Variants in SYT1 observed in about 807,000 individuals in gnomAD.
The protein encoded by SYT1 is synaptotagmin-1.
Under a neutral mutation model 44.8 loss-of-function variants are expected in SYT1, and 8 were observed. That is an observed-to-expected ratio of 0.18 (90% confidence interval 0.10 to 0.32). SYT1 has a LOEUF of 0.32. Among genes scored for constraint, SYT1 ranks in the 10% least tolerant of loss-of-function variants. SYT1 has a pLI of 1.00. For missense variants in SYT1, 286 were observed against 509.3 expected, an observed-to-expected ratio of 0.56 and a Z score of 4.22; for synonymous variants, 154 against 188.8, an observed-to-expected ratio of 0.82 and a Z score of 1.51.
At chr12:79,301,185 G>C (rs925164899) in intron 8 of SYT1, among the ~76,000 whole-genome samples, 1 of 152,028 alleles carries the variant, frequency 6.6e-6, no homozygotes. Context: ...TGGTTGGCTT[G>C]TTGGTTGAAT....
chr12:79,168,732 T>A (rs1159920293), intron 3 of SYT1, among the ~76,000 whole-genome samples: 1 of 151,946 alleles, frequency 6.6e-6, no homozygotes, highest in Non-Finnish European at 1.5e-5. Flanking sequence ...GATTTTGAGG[T>A]CACAACCAGA....
rs544500438 is a variant in SYT1, at chr12:79,013,138, T to C, written c.-83-34159T>C. 3.3e-5 allele frequency among the ~76,000 whole-genome samples: 5 copies of C among 152,242 alleles called. No homozygotes were observed. In the East Asian group the frequency reaches 9.7e-4, roughly 29 times the overall value. ...CAGTTATTAAACACTATTTCTATCT[T>C]GTAGAGTGCACTTCTCTGTTTGTTT... On this transcript the variant is annotated intron_variant, in intron 2 of 10. Coordinates refer to ENST00000261205, the MANE Select transcript of SYT1 (RefSeq NM_005639.3).
At chr12:79,277,652 G>C (rs1435753842) in intron 4 of SYT1, among the ~76,000 whole-genome samples, 1 of 152,102 alleles carries the variant, frequency 6.6e-6, no homozygotes, top group African/African-American at 2.4e-5. Flanking sequence ...GAATGGAACA[G>C]TTACCCACAT....
chr12:79,003,985 G>A (rs901396240), intron 2 of SYT1, among the ~76,000 whole-genome samples: 9 of 151,824 alleles, frequency 5.9e-5, no homozygotes, highest in African/African-American at 7.2e-5. Context: ...GTTAACCTTC[G>A]TCTTTAGAGT....
intron 3 of SYT1, among the ~76,000 whole-genome samples, chr12:79,190,163 A>G (rs1365140497): frequency 1.3e-5 from 2 of 152,150 alleles, no homozygotes; most frequent in Admixed American, 6.6e-5. Flanking sequence ...TATCTGATTT[A>G]TATTTCTTCT....
At chr12:79,293,944 T>C (rs1298281732) in intron 6 of SYT1, among the ~76,000 whole-genome samples, 1 of 152,152 alleles carries the variant, frequency 6.6e-6, no homozygotes, top group Admixed American at 6.5e-5. Context: ...CATCAGGATT[T>C]GGTTAGGAGC....
chr12:79,127,471 G>A (rs1170963709), intron 3 of SYT1, among the ~76,000 whole-genome samples: 1 of 152,202 alleles, frequency 6.6e-6, no homozygotes, highest in Non-Finnish European at 1.5e-5. Context: ...GGTGGTAACA[G>A]CCATCTGAAT....
At chr12:78,955,843 TAG>T (rs144591118) in intron 1 of SYT1, among the ~76,000 whole-genome samples, 500 of 143,220 alleles carry the variant, frequency 3.5e-3, no homozygotes, top group Middle Eastern at 3.7e-3. Flanking sequence ...TGTGTGCATG[TAG>T]AGAGAGAGAG....
chr12:79,291,045 C>T (rs916511337), intron 5 of SYT1, among the ~76,000 whole-genome samples: 3 of 151,988 alleles, frequency 2.0e-5, no homozygotes, highest in African/African-American at 7.2e-5. Flanking sequence ...TACTTATAAC[C>T]TTTGATATTT....
intron 1 of SYT1, among the ~76,000 whole-genome samples, chr12:78,907,023 A>G (rs541898816): frequency 6.6e-6 from 1 of 152,208 alleles, no homozygotes; most frequent in South Asian, 2.1e-4. Flanking sequence ...TATTTATTAA[A>G]GTGTACATTT....
chr12:79,286,357 G>A (rs1227570586), intron 5 of SYT1, among the ~76,000 whole-genome samples: 1 of 152,138 alleles, frequency 6.6e-6, no homozygotes, highest in African/African-American at 2.4e-5. Context: ...AATTTCTACT[G>A]TTCATAGTCA....
At chr12:79,310,822 T>C (rs1880743978) in intron 8 of SYT1, among the ~76,000 whole-genome samples, 1 of 152,206 alleles carries the variant, frequency 6.6e-6, no homozygotes, top group Admixed American at 6.5e-5. Context: ...TGTTTGTCTG[T>C]TATTGGTGTA....
chr12:79,194,885 G>A (rs1014483302), intron 3 of SYT1, among the ~76,000 whole-genome samples: 5 of 152,092 alleles, frequency 3.3e-5, no homozygotes, highest in African/African-American at 9.7e-5. Flanking sequence ...TGCCTTAAAC[G>A]CTAAGGTCAA....
intron 3 of SYT1, among the ~76,000 whole-genome samples, chr12:79,137,358 A>T (rs1869265725): frequency 6.6e-6 from 1 of 152,062 alleles, no homozygotes; most frequent in Non-Finnish European, 1.5e-5. Flanking sequence ...AACCTCCCAA[A>T]GTGCTGGGAT....
At chr12:78,889,658 A>G (rs745817028) in intron 1 of SYT1, among the ~76,000 whole-genome samples, 3 of 140,660 alleles carry the variant, frequency 2.1e-5, no homozygotes, top group Non-Finnish European at 4.6e-5. Context: ...CTTGAATAAT[A>G]TTGATTTATA....
chr12:79,216,434 A>G (rs1378657325), intron 3 of SYT1, among the ~76,000 whole-genome samples: 1 of 152,190 alleles, frequency 6.6e-6, no homozygotes, highest in Non-Finnish European at 1.5e-5. Context: ...GGAAAATTAC[A>G]AAGTCTGGAA....
At chr12:79,258,487 A>G (rs1877654219) in intron 4 of SYT1, among the ~76,000 whole-genome samples, 1 of 152,188 alleles carries the variant, frequency 6.6e-6, no homozygotes, top group Non-Finnish European at 1.5e-5. Flanking sequence ...TGGTAATTTG[A>G]GTGACAAATC....
chr12:79,155,416 C>T (rs942141445), intron 3 of SYT1, among the ~76,000 whole-genome samples: 1 of 152,130 alleles, frequency 6.6e-6, no homozygotes, highest in South Asian at 2.1e-4. Flanking sequence ...TATAGAAATC[C>T]ATACTCAGCT....
chr12:79,337,186 C>G (rs553357215), intron 8 of SYT1, among the ~76,000 whole-genome samples: 22 of 152,226 alleles, frequency 1.4e-4, no homozygotes, highest in Admixed American at 9.2e-4. Context: ...TATTATTTAT[C>G]CATTTTAATG....
Sources: allele counts gnomAD v4.1 joint callset (sites outside exome capture counted in the v4.1 genomes callset), GRCh38; gene constraint gnomAD v4.1.1; transcripts MANE v1.5; gene names NCBI Gene and HGNC (gene_info 2026-07-23, HGNC 2026-07-21).